Variants in BIN2 observed in about 807,000 individuals in gnomAD.
BIN2 encodes breast cancer associated protein BRAP1.
BIN2 carries 43 observed loss-of-function variants against 67.9 expected under a neutral mutation model. The ratio of observed to expected loss-of-function variants is 0.63; its 90% confidence interval spans 0.50 to 0.82. The LOEUF (loss-of-function observed/expected upper bound fraction) is 0.82, where lower values mean the gene tolerates loss of function less well. Among genes scored for constraint, BIN2 ranks in the 40% least tolerant of loss-of-function variants. The pLI, the probability that BIN2 is intolerant of heterozygous loss-of-function variation, is 0.00. For missense variants in BIN2, 581 were observed against 671.6 expected, an observed-to-expected ratio of 0.87 and a Z score of 1.49; for synonymous variants, 244 against 246.8, an observed-to-expected ratio of 0.99 and a Z score of 0.11.
chr12:51,298,802 C>T (rs1945638915), intron 7 of BIN2, among the ~76,000 whole-genome samples: 1 of 152,080 alleles, frequency 6.6e-6, no homozygotes, highest in Non-Finnish European at 1.5e-5. Flanking sequence ...GGCATGGTGG[C>T]TCACGCCTGT....
At chr12:51,283,462 A>G (rs893351595) in intron 12 of BIN2, among the ~76,000 whole-genome samples, 1 of 151,900 alleles carries the variant, frequency 6.6e-6, no homozygotes. Flanking sequence ...CCGTAGGCCA[A>G]TGTGTATGTT....
intron 11 of BIN2, among the ~76,000 whole-genome samples, chr12:51,285,112 T>G (rs77661237): frequency 3.8e-3 from 578 of 152,050 alleles, no homozygotes; most frequent in Non-Finnish European, 4.8e-3. Context: ...TATAAGGGAG[T>G]GCGAGGTCTT....
intron 2 of BIN2, among the ~76,000 whole-genome samples, chr12:51,306,297 A>T (rs1945864655): frequency 6.6e-6 from 1 of 152,214 alleles, no homozygotes; most frequent in African/African-American, 2.4e-5. Context: ...GTGCTGTGTT[A>T]CAGCAAATGA....
At chr12:51,314,777 C>A (rs181219425) in intron 1 of BIN2, among the ~76,000 whole-genome samples, 1 of 144,678 alleles carries the variant, frequency 6.9e-6, no homozygotes, top group Admixed American at 7.0e-5. Flanking sequence ...CCAGCCTGGA[C>A]AACAAGAGCG....
chr12:51,284,171 A>G (rs1038583441), intron 12 of BIN2, among the ~76,000 whole-genome samples: 1 of 152,154 alleles, frequency 6.6e-6, no homozygotes, highest in Non-Finnish European at 1.5e-5. Flanking sequence ...AGTGCCCTAT[A>G]CAAGTGTATC....
chr12:51,290,622 C>T lies in BIN2; in HGVS notation c.1515+969G>A, dbSNP rs370960372. ...CAGGCGGATCACGAGGTCAGGAGTT[C>T]GGCACCAGCCTGCCCAACTTGGAGA... is the stretch of plus-strand genomic sequence containing the variant. On this transcript the variant is annotated intron_variant, in intron 10 of 12. Transcript: ENST00000615107. 7.9e-5 allele frequency among the ~76,000 whole-genome samples: 12 copies of T among 151,306 alleles called. No homozygotes were observed. The East Asian group carries it at 1.2e-3, about 15-fold the overall frequency.
At chr12:51,308,314 T>C (rs1054215365) in intron 2 of BIN2, among the ~76,000 whole-genome samples, 9 of 152,234 alleles carry the variant, frequency 5.9e-5, no homozygotes, top group African/African-American at 1.7e-4. Flanking sequence ...CTAAATCTTA[T>C]GACTTTATCA....
At chr12:51,313,972 A>G (rs886118610) in intron 1 of BIN2, 69 bp from the exon 2 acceptor site, 8 of 1,185,106 alleles carry the variant, frequency 6.8e-6, no homozygotes, top group Admixed American at 5.3e-5. Flanking sequence ...GCCTCATATG[A>G]CCCTGGCTTC....
intron 2 of BIN2, among the ~76,000 whole-genome samples, chr12:51,307,973 C>T (rs1945913204): frequency 2.0e-5 from 3 of 152,078 alleles, no homozygotes; most frequent in Admixed American, 2.0e-4. Context: ...TATGCTCTTG[C>T]TCTTTCTTTT....
chr12:51,302,181 T>C, intron 4 of BIN2, 66 bp from the exon 5 acceptor site: 1 of 1,248,174 alleles, frequency 8.0e-7, no homozygotes, highest in South Asian at 1.2e-5. Context: ...ACCAGGGAAA[T>C]ACCCAAATTC....
chr12:51,302,116 C>T lies in BIN2; in HGVS notation c.313-1G>A, dbSNP rs1019191555. ...AGTCTTCCCAAAGGAGATCATTATT[C>T]TGTAGGATAGAGTCAGAGGCTGGTG... On this transcript the variant is annotated splice_acceptor_variant, in intron 4 of 12. Coordinates refer to ENST00000615107, the MANE Select transcript of BIN2 (RefSeq NM_016293.4). LOFTEE classifies it high-confidence loss of function. The T allele has an allele frequency of 3.1e-6, 5 of 1,606,790 alleles. No individual in the cohort carries two copies. The highest frequency in any genetic ancestry group is 4.3e-6 in the Non-Finnish European group (5 of 1,173,542).
chr12:51,305,596 C>T (rs532046999), intron 2 of BIN2, among the ~76,000 whole-genome samples: 4 of 150,832 alleles, frequency 2.7e-5, no homozygotes, highest in Admixed American at 2.0e-4. Flanking sequence ...TGTACTCCAC[C>T]CTGGGCAACA....
At chr12:51,312,712 T>C (rs1946024400) in intron 2 of BIN2, among the ~76,000 whole-genome samples, 1 of 152,050 alleles carries the variant, frequency 6.6e-6, no homozygotes, top group South Asian at 2.1e-4. Context: ...ATATTTGAAA[T>C]ATTCCATTAA....
chr12:51,285,759 G>A (rs771754718), intron 11 of BIN2, among the ~76,000 whole-genome samples: 1 of 151,710 alleles, frequency 6.6e-6, no homozygotes, highest in Non-Finnish European at 1.5e-5. Context: ...AAGTAGCTGG[G>A]ATTACAGGCG....
Position 51,292,066 on chromosome 12 carries a change from T to C in BIN2, c.1040A>G (p.Gln347Arg), listed in dbSNP as rs766881298. 1 of 1,614,120 alleles carries C rather than the reference T, an allele frequency of 6.2e-7. No homozygotes were observed. The highest frequency in any genetic ancestry group is 8.5e-7 in the Non-Finnish European group (1 of 1,179,984). ...LPACNGPAQAQPSPTTERAKS... is the reference protein window; with the variant it reads ...LPACNGPAQARPSPTTERAKS... Reference sequence around the variant, plus strand: ...GGCCCTTTCAGTGGTAGGAGAGGGCTGGGCCTGGGCGGGGCCATTGCAGGC... The same window carrying C: ...GGCCCTTTCAGTGGTAGGAGAGGGCCGGGCCTGGGCGGGGCCATTGCAGGC... Residue 347 changes from glutamine to arginine, a missense_variant, in exon 10 of 13, where the codon CAG becomes CGG. Coordinates refer to ENST00000615107, the MANE Select transcript of BIN2 (RefSeq NM_016293.4).
chr12:51,291,507 C>A (rs550853079), intron 10 of BIN2, 84 bp downstream of exon 10: 95 of 1,364,062 alleles, frequency 7.0e-5, no homozygotes, highest in Non-Finnish European at 9.1e-5. Context: ...CGCACCACTA[C>A]ACTCCAGCCT....
chr12:51,307,062 A>G (rs1565684120), intron 2 of BIN2, among the ~76,000 whole-genome samples: 1 of 152,204 alleles, frequency 6.6e-6, no homozygotes, highest in East Asian at 1.9e-4. Context: ...AGGCGGGCAG[A>G]TTGTGAGGTC....
chr12:51,302,480 T>C, intron 4 of BIN2: 1 of 569,122 alleles, frequency 1.8e-6, no homozygotes, highest in Admixed American at 3.1e-5. Context: ...AGGGTCAAAA[T>C]TAGAGGGATC....
At chr12:51,283,144 C>G (rs573696898) in intron 12 of BIN2, among the ~76,000 whole-genome samples, 32 of 151,582 alleles carry the variant, frequency 2.1e-4, no homozygotes, top group African/African-American at 7.7e-4. Flanking sequence ...GTAATCCCAG[C>G]TACTCAGGAG....
Sources: gnomAD v4.1 joint callset for allele counts (sites outside exome capture counted in the v4.1 genomes callset) on GRCh38, gnomAD v4.1.1 for gene constraint, MANE v1.5 for transcripts, NCBI Gene and HGNC (gene_info 2026-07-23, HGNC 2026-07-21) for gene names.